SRSF4: variants seen among roughly 807,000 people sequenced by gnomAD.
SRSF4 encodes serine/arginine-rich splicing factor 4.
SRSF4 carries 12 observed loss-of-function variants against 48.8 expected under a neutral mutation model. That is an observed-to-expected ratio of 0.25 (90% CI 0.16 to 0.40). The LOEUF is 0.40. SRSF4 is among the 10% of genes least tolerant of loss of function. SRSF4 has a pLI of 1.00. For missense variants in SRSF4, 466 were observed against 667.1 expected (o/e 0.70, Z 3.32); for synonymous variants, 248 against 232.5 (o/e 1.07, Z -0.61).
chr1:29,163,326 G>C (rs1672625708), intron 1 of SRSF4, among the ~76,000 whole-genome samples: 1 of 152,164 alleles, frequency 6.6e-6, no homozygotes, highest in South Asian at 2.1e-4. Flanking sequence ...CTACTATTCT[G>C]TGAAAAAATC....
chr1:29,162,485 C>T (rs1360222868), intron 1 of SRSF4, among the ~76,000 whole-genome samples: 1 of 152,190 alleles, frequency 6.6e-6, no homozygotes, highest in East Asian at 1.9e-4. Context: ...CTATTTTCTA[C>T]TTTGGTTTAT....
intron 1 of SRSF4, among the ~76,000 whole-genome samples, chr1:29,178,472 T>G (rs1257356127): frequency 6.6e-6 from 1 of 151,550 alleles, no homozygotes; most frequent in Non-Finnish European, 1.5e-5. Context: ...GCCTCTCGAG[T>G]AGCTGGGACT....
At position 29,172,265 on chromosome 1, in the gene SRSF4, A is replaced by C. The variant is rs1672755667; in HGVS notation, c.107+9381T>G. 2.6e-5 allele frequency: 4 copies of C among 152,154 alleles called. No homozygotes were observed. In the South Asian group the frequency reaches 6.2e-4, roughly 24 times the overall value. 9.4% of individuals were successfully genotyped at this position (152,154 alleles called of 1,614,324 possible). On this transcript the variant is annotated intron_variant, in intron 1 of 5. Transcript: ENST00000373795. ...TTCATTCAAGAAAAACTTCCTGATT[A>C]TTTTTCACTTGGTAAATTAGCATCT...
rs745307269 is a variant in SRSF4, at chr1:29,149,181, ACTCTGGCTCCGGCTCCGG to A, written c.696_713del (p.Gln237_Ser242del). The A allele has an allele frequency of 1.1e-5, 18 of 1,609,342 alleles. No homozygotes were observed. Among genetic ancestry groups the A allele is most frequent in the African/African-American group, 2.7e-5 (2 of 74,278 alleles). ...TTTTCTCTTTCTTGCTCCGGCTCCG[ACTCTGGCTCCGGCTCCGG>A]CTCTTGCTCCGGGAGCGGGAGCCCG... is the stretch of plus-strand genomic sequence containing the variant. On this transcript the variant is annotated inframe_deletion, in exon 6 of 6. Transcript: ENST00000373795.
At chr1:29,174,147 C>CCACTG (rs1672797331) in intron 1 of SRSF4, among the ~76,000 whole-genome samples, 1 of 151,208 alleles carries the variant, frequency 6.6e-6, no homozygotes. Flanking sequence ...TGAGATCATG[C>CCACTG]CACTGCACTG....
intron 3 of SRSF4, among the ~76,000 whole-genome samples, chr1:29,158,352 T>C (rs1290891725): frequency 6.6e-6 from 1 of 152,148 alleles, no homozygotes; most frequent in Non-Finnish European, 1.5e-5. Flanking sequence ...TTGCATGTTA[T>C]AGCAAATGCT....
intron 3 of SRSF4, among the ~76,000 whole-genome samples, chr1:29,158,771 T>C (rs1246044775): frequency 3.9e-5 from 6 of 151,986 alleles, no homozygotes; most frequent in Non-Finnish European, 7.4e-5. Context: ...TGACAACCAA[T>C]CTCTGAGCCA....
Position 29,152,402 on chromosome 1 carries a change from A to G in SRSF4, c.579-2210T>C, listed in dbSNP as rs1672424984. On this transcript the variant is annotated intron_variant, in intron 4 of 5. Transcript: ENST00000373795. ...TTCATATATAAATTTCAAATTTTCC[A>G]TAATAAAAAGTCAAAAGACCTAAAT... Among the ~76,000 whole-genome samples the G allele has an allele frequency of 2.0e-5, 3 of 152,158 alleles. No individual in the cohort carries two copies. In the South Asian group the frequency reaches 6.2e-4, roughly 32 times the overall value.
chr1:29,175,386 C>CAG (rs1553324209), intron 1 of SRSF4, among the ~76,000 whole-genome samples: 1 of 146,144 alleles, frequency 6.8e-6, no homozygotes, highest in African/African-American at 2.5e-5. Context: ...GGGCAACAGA[C>CAG]AGAGACTCCA....
intron 4 of SRSF4, among the ~76,000 whole-genome samples, chr1:29,151,805 C>A (rs1672414548): frequency 6.6e-6 from 1 of 152,174 alleles, no homozygotes; most frequent in Admixed American, 6.5e-5. Flanking sequence ...ATCATAATTT[C>A]TACAACTTAC....
In SRSF4 at chr1:29,160,600, A is replaced by G; in HGVS notation, c.108-83T>C. ...CATTAAAGAGAAAGCAATGAGGTTC[A>G]TGCTTAGCAAAGGTTAGGTGGATTT... On this transcript the variant is annotated intron_variant, in intron 1 of 5. Transcript: ENST00000373795. 2.1e-6 allele frequency: 3 copies of G among 1,447,710 alleles called. No homozygotes were observed. In the East Asian group the frequency reaches 7.7e-5, roughly 37 times the overall value. 89.7% of individuals were successfully genotyped at this position (1,447,710 alleles called of 1,614,324 possible). A position where few individuals can be genotyped will look rare whatever the true frequency, so the allele number is the denominator to read the frequency against.
chr1:29,150,493 A>AC (rs1672392854), intron 4 of SRSF4, among the ~76,000 whole-genome samples: 1 of 152,018 alleles, frequency 6.6e-6, no homozygotes, highest in African/African-American at 2.4e-5. Context: ...CGAACTCCTG[A>AC]CCTCAGGTGA....
At chr1:29,154,514 TTTGTA>T (rs1203474501) in intron 4 of SRSF4, 177 bp downstream of exon 4, 1 of 639,262 alleles carries the variant, frequency 1.6e-6, no homozygotes, top group African/African-American at 1.8e-5. Context: ...GGGACTTCTA[TTTGTA>T]CTCATGACCT....
chr1:29,153,638 T>C (rs1672451577), intron 4 of SRSF4, among the ~76,000 whole-genome samples: 1 of 151,350 alleles, frequency 6.6e-6, no homozygotes, highest in Non-Finnish European at 1.5e-5. Flanking sequence ...TTTGCTCTTG[T>C]TGCCCAGGCT....
chr1:29,180,324 TAAG>T (rs1165329722), intron 1 of SRSF4, among the ~76,000 whole-genome samples: 2 of 152,232 alleles, frequency 1.3e-5, no homozygotes, highest in African/African-American at 2.4e-5. Context: ...AATATATCCT[TAAG>T]AACTGAACGT....
intron 1 of SRSF4, among the ~76,000 whole-genome samples, chr1:29,164,405 C>A (rs1395652369): frequency 6.6e-6 from 1 of 152,190 alleles, no homozygotes; most frequent in East Asian, 1.9e-4. Context: ...TGCTTTGCAG[C>A]AAGTAACGTG....
At chr1:29,174,148 C>T (rs1672797292) in intron 1 of SRSF4, among the ~76,000 whole-genome samples, 1 of 150,112 alleles carries the variant, frequency 6.7e-6, no homozygotes, top group African/African-American at 2.5e-5. Context: ...GAGATCATGC[C>T]ACTGCACTGC....
At chr1:29,177,497 G>C (rs567548843) in intron 1 of SRSF4, among the ~76,000 whole-genome samples, 14 of 152,146 alleles carry the variant, frequency 9.2e-5, no homozygotes, top group Non-Finnish European at 1.8e-4. Context: ...GGTCAGGCTG[G>C]TCTTGAACTT....
intron 1 of SRSF4, among the ~76,000 whole-genome samples, chr1:29,167,786 A>G (rs1459447911): frequency 3.3e-5 from 5 of 152,232 alleles, no homozygotes; most frequent in Admixed American, 2.0e-4. Flanking sequence ...TCTGTTGGCT[A>G]TTTAGCACAG....
Sources: gnomAD v4.1 joint callset for allele counts (sites outside exome capture counted in the v4.1 genomes callset) on GRCh38, gnomAD v4.1.1 for gene constraint, MANE v1.5 for transcripts, NCBI Gene and HGNC (gene_info 2026-07-23, HGNC 2026-07-21) for gene names.